MCF2: variants seen among roughly 807,000 people sequenced by gnomAD.
MCF2 encodes the protein MCF.2 cell line derived transforming sequence, also known as proto-oncogene DBL.
A neutral mutation model predicts 82.5 loss-of-function variants in MCF2; 44 were observed. That is an observed-to-expected ratio of 0.53 (90% confidence interval 0.42 to 0.69). MCF2 has a LOEUF of 0.69. Among genes scored for constraint, MCF2 ranks in the 30% least tolerant of loss-of-function variants. MCF2 has a pLI of 0.00. For synonymous variants in MCF2, 217 were observed against 224.9 expected, an observed-to-expected ratio of 0.96 and a Z score of 0.32; for missense variants, 623 against 663.1, an observed-to-expected ratio of 0.94 and a Z score of 0.66.
chrX:139,652,008 A>T (rs1187511586), intron 1 of MCF2, among the ~76,000 whole-genome samples: 2 of 111,331 alleles, frequency 1.8e-5, no homozygotes, highest in Non-Finnish European at 3.8e-5. Context: ...TACTTCTCAG[A>T]ATCTATGCCC....
intron 1 of MCF2, among the ~76,000 whole-genome samples, chrX:139,671,630 C>G (rs1934697455): frequency 9.0e-6 from 1 of 110,765 alleles, no homozygotes; most frequent in South Asian, 3.9e-4. Flanking sequence ...TTGTAGATGT[C>G]TGGTGTTATT....
At chrX:139,664,324 A>C (rs1038846635) in intron 1 of MCF2, among the ~76,000 whole-genome samples, 3 of 110,959 alleles carry the variant, frequency 2.7e-5, no homozygotes, top group East Asian at 2.8e-4. Flanking sequence ...AAAAAACAAA[A>C]AAAAAAAACC....
chrX:139,686,061 C>A (rs200026280), intron 1 of MCF2, among the ~76,000 whole-genome samples: 1 of 47,147 alleles, frequency 2.1e-5, no homozygotes, highest in East Asian at 7.8e-4. Context: ...ATTCAACACC[C>A]CTTCACGTTA....
At chrX:139,629,599 C>A in intron 4 of MCF2, 96 bp downstream of exon 7, 1 of 771,857 alleles carries the variant, frequency 1.3e-6, no homozygotes, top group African/African-American at 2.1e-5. Context: ...TCTTTTATCT[C>A]CCCTTATGCA....
intron 1 of MCF2, among the ~76,000 whole-genome samples, chrX:139,687,701 C>A (rs1935159209): frequency 8.9e-6 from 1 of 112,494 alleles, no homozygotes; most frequent in East Asian, 2.8e-4. Flanking sequence ...GTTTGTTTTA[C>A]AAGGAAGTAA....
chrX:139,586,699 A>G (rs1928999173), intron 22 of MCF2, among the ~76,000 whole-genome samples: 1 of 111,369 alleles, frequency 9.0e-6, no homozygotes, highest in East Asian at 2.8e-4. Context: ...GTTCTCTATT[A>G]TGTAAGGAGA....
At chrX:139,587,852 A>G in intron 21 of MCF2, 64 bp from the exon 26 acceptor site, 5 of 653,175 alleles carry the variant, frequency 7.7e-6, no homozygotes, top group African/African-American at 2.2e-5. Context: ...TTGAAGGCCA[A>G]TGACTTTCTC....
chrX:139,620,476 C>A (rs1932268321), intron 6 of MCF2, among the ~76,000 whole-genome samples: 1 of 111,046 alleles, frequency 9.0e-6, no homozygotes, highest in African/African-American at 3.3e-5. Context: ...CTAAAGACTA[C>A]CAAAAGGCTC....
chrX:139,621,509 A>C (rs949087172), intron 6 of MCF2, among the ~76,000 whole-genome samples: 1 of 111,330 alleles, frequency 9.0e-6, no homozygotes, highest in African/African-American at 3.3e-5. Flanking sequence ...CAAGCAAAAA[A>C]CTAATAACTC....
At position 139,622,892 on chromosome X, in the gene MCF2, TA is replaced by T. The variant is rs752289426; in HGVS notation, c.688-3187del. Among the ~76,000 whole-genome samples, 985 of 108,222 alleles carry T rather than the reference TA, an allele frequency of 9.1e-3. 12 individuals are homozygous for T. Among genetic ancestry groups the T allele is most frequent in the African/African-American group, 0.031 (936 of 29,770 alleles). 94.0% of individuals were successfully genotyped at this position (108,222 alleles called of 115,157 possible). On this transcript the variant is annotated intron_variant, in intron 6 of 24. Transcript: ENST00000370576. ...AACTTAAAGTATAATAATAATAAAA[TA>T]AAAAAAAACTAATAACTCCACTAAA... is the stretch of plus-strand genomic sequence containing the variant.
At chrX:139,587,855 A>C in intron 21 of MCF2, 67 bp from the exon 26 acceptor site, 2 of 619,858 alleles carry the variant, frequency 3.2e-6, no homozygotes. Context: ...AAGGCCAATG[A>C]CTTTCTCTCT....
intron 19 of MCF2, 151 bp from the exon 24 acceptor site, chrX:139,590,078 T>A (rs1929364164): frequency 1.2e-5 from 5 of 407,343 alleles, no homozygotes. Context: ...GTAATTACAA[T>A]CATAGACGAG....
At chrX:139,668,590 G>A (rs952930118) in intron 1 of MCF2, among the ~76,000 whole-genome samples, 13 of 111,478 alleles carry the variant, frequency 1.2e-4, no homozygotes, top group Admixed American at 7.6e-4. Context: ...GGCCAAGCAG[G>A]CTGCCTCTCT....
intron 1 of MCF2, among the ~76,000 whole-genome samples, chrX:139,664,294 G>A (rs1301375150): frequency 2.8e-5 from 3 of 108,121 alleles, no homozygotes; most frequent in East Asian, 5.7e-4. Flanking sequence ...TTGAGCCACC[G>A]CGCCCAGCCT....
rs765235064 is a variant in MCF2 at position 139,641,944 on chromosome X, G to A, written c.51+524C>T. Among the ~76,000 whole-genome samples, 13 of 111,152 alleles carry A rather than the reference G, an allele frequency of 1.2e-4. No individual in the cohort carries two copies. The East Asian group carries it at 3.1e-3, about 27-fold the overall frequency. On this transcript the variant is annotated intron_variant, in intron 1 of 24. Transcript: ENST00000370576. ...CAGCAGGTGACAATTTTGTACCTAC[G>A]AAGTTTCAGTTTGGAGAAGAATTGA...
At chrX:139,624,660 T>C (rs1242166506) in intron 6 of MCF2, among the ~76,000 whole-genome samples, 2 of 111,451 alleles carry the variant, frequency 1.8e-5, no homozygotes, top group African/African-American at 6.5e-5. Context: ...CTGGACCCTA[T>C]ATAGGATCCG....
At chrX:139,651,637 G>A (rs1028059659) in intron 2 of MCF2, 83 bp downstream of exon 2, 38 of 526,625 alleles carry the variant, frequency 7.2e-5, no homozygotes, top group South Asian at 2.7e-4. Flanking sequence ...TATAGAGAGC[G>A]AGCTATTTAT....
intron 1 of MCF2, among the ~76,000 whole-genome samples, chrX:139,656,354 A>G (rs1045369202): frequency 1.4e-4 from 16 of 111,990 alleles, no homozygotes; most frequent in African/African-American, 2.3e-4. Flanking sequence ...GAGCCACCGC[A>G]CCCGGCCAGT....
chrX:139,679,963 G>A (rs1186699770), intron 1 of MCF2, among the ~76,000 whole-genome samples: 1 of 111,229 alleles, frequency 9.0e-6, no homozygotes, highest in South Asian at 3.9e-4. Context: ...ATGTTTGTAT[G>A]TGCTGCAAAT....
Sources: gnomAD v4.1 joint callset for allele counts (sites outside exome capture counted in the v4.1 genomes callset) on GRCh38, gnomAD v4.1.1 for gene constraint, MANE v1.5 for transcripts, NCBI Gene and HGNC (gene_info 2026-07-23, HGNC 2026-07-21) for gene names.